ADAM10: variants seen among roughly 807,000 people sequenced by gnomAD.
ADAM10 encodes disintegrin and metalloproteinase domain-containing protein 10.
Under a neutral mutation model 90.1 loss-of-function variants are expected in ADAM10, and 17 were observed. That is an observed-to-expected ratio of 0.19 (90% CI 0.13 to 0.28). The LOEUF (loss-of-function observed/expected upper bound fraction) is 0.28, where lower values mean the gene tolerates loss of function less well. Among genes scored for constraint, ADAM10 ranks in the 10% least tolerant of loss-of-function variants. The pLI is 1.00. For missense variants in ADAM10, 610 were observed against 914.3 expected, an observed-to-expected ratio of 0.67 and a Z score of 4.29; for synonymous variants, 310 against 298.6, an observed-to-expected ratio of 1.04 and a Z score of -0.40.
chr15:58,741,686 C>T (rs1330331814), intron 1 of ADAM10, among the ~76,000 whole-genome samples: 1 of 152,184 alleles, frequency 6.6e-6, no homozygotes, highest in Non-Finnish European at 1.5e-5. Flanking sequence ...TCACGTTAAA[C>T]ATTTGCCCAG....
Position 58,689,252 on chromosome 15 carries a change from A to G in ADAM10, c.207-6938T>C, listed in dbSNP as rs112559628. Among the ~76,000 whole-genome samples the G allele has an allele frequency of 3.5e-3, 537 of 152,178 alleles. 5 individuals are homozygous for G. Among genetic ancestry groups the G allele is most frequent in the African/African-American group, 0.012 (516 of 41,504 alleles). ...TGTAATCCTAGCACTTTGGGAGGCC[A>G]AGGTGGGCAGATTGCCTTAGCTTAG... On this transcript the variant is annotated intron_variant, in intron 2 of 15. Transcript: ENST00000260408.
intron 12 of ADAM10, 70 bp downstream of exon 12, chr15:58,611,738 A>G (rs1408247982): frequency 7.0e-7 from 1 of 1,420,258 alleles, no homozygotes; most frequent in Non-Finnish European, 9.9e-7. Flanking sequence ...TGTAGCTTTA[A>G]GCATCAATAA....
At chr15:58,693,242 G>C in intron 2 of ADAM10, 3 of 589,774 alleles carry the variant, frequency 5.1e-6, no homozygotes, top group South Asian at 1.6e-5. Flanking sequence ...AAGGTGGGCT[G>C]AGTGTCCAAA....
At chr15:58,723,219 T>C (rs1488328311) in intron 1 of ADAM10, among the ~76,000 whole-genome samples, 2 of 152,050 alleles carry the variant, frequency 1.3e-5, no homozygotes, top group Non-Finnish European at 2.9e-5. Flanking sequence ...CACAATTCAC[T>C]TATTTAAAAA....
chr15:58,675,012 A>G (rs1897280012), intron 4 of ADAM10, among the ~76,000 whole-genome samples: 1 of 152,234 alleles, frequency 6.6e-6, no homozygotes, highest in African/African-American at 2.4e-5. Context: ...CCTGGCCAAC[A>G]TGGTGAAACC....
At position 58,633,321 on chromosome 15, in the gene ADAM10, A is replaced by C. The variant is rs767916145; in HGVS notation, c.1051T>G (p.Ser351Ala). The C allele has an allele frequency of 1.9e-6, 3 of 1,613,744 alleles. No homozygotes were observed. The highest frequency in any genetic ancestry group is 2.5e-6 in the Non-Finnish European group (3 of 1,179,754). The change falls in exon 9 of 16, where the codon TCA becomes GCA. Residue 351 changes from serine (S) to alanine (A), a missense_variant. Around this residue, in one of 4 missense-constraint regions of ADAM10, gnomAD observed 97 missense variants for 221.4 expected, o/e 0.44. Transcript: ENST00000260408. Reference protein sequence around the residue: ...GGICEKSKLYSDGKKKSLNTG... With the variant: ...GGICEKSKLYADGKKKSLNTG... ...TTTAAGGACTTCTTCTTACCATCTG[A>C]ATAGAGTTTACTTTTTTCACATATT...
chr15:58,620,424 G>A (rs1167458924), intron 11 of ADAM10, among the ~76,000 whole-genome samples: 2 of 151,700 alleles, frequency 1.3e-5, no homozygotes, highest in Admixed American at 6.6e-5. Flanking sequence ...CTGAAATCAT[G>A]CCACTGCACT....
At chr15:58,677,789 T>C (rs906940066) in intron 4 of ADAM10, among the ~76,000 whole-genome samples, 2 of 152,174 alleles carry the variant, frequency 1.3e-5, no homozygotes, top group Non-Finnish European at 2.9e-5. Flanking sequence ...AATATTCCAG[T>C]ATTTCATTAA....
At chr15:58,715,020 G>C (rs1483907356) in intron 2 of ADAM10, among the ~76,000 whole-genome samples, 2 of 152,178 alleles carry the variant, frequency 1.3e-5, no homozygotes, top group African/African-American at 4.8e-5. Context: ...TTCTGAGACA[G>C]AGTGAATATA....
chr15:58,597,781 T>C, intron 15 of ADAM10, 140 bp from the exon 16 acceptor site: 2 of 743,598 alleles, frequency 2.7e-6, no homozygotes, highest in East Asian at 3.0e-5. Context: ...ATTTAAAATC[T>C]TCTGATAGCC....
chr15:58,736,502 G>C (rs191014324), intron 1 of ADAM10, among the ~76,000 whole-genome samples: 68 of 151,848 alleles, frequency 4.5e-4, no homozygotes, highest in Non-Finnish European at 2.2e-4. Flanking sequence ...CCACACTTAA[G>C]AAAAAAATCT....
At chr15:58,701,022 C>CAAAAAAA (rs386383146) in intron 2 of ADAM10, among the ~76,000 whole-genome samples, 6 of 70,924 alleles carry the variant, frequency 8.5e-5, no homozygotes, top group Admixed American at 1.5e-4. Flanking sequence ...AACAAAAAAA[C>CAAAAAAA]AAAAAAAAAA....
intron 5 of ADAM10, among the ~76,000 whole-genome samples, chr15:58,661,275 C>T (rs1282617994): frequency 8.6e-5 from 13 of 151,968 alleles, no homozygotes; most frequent in African/African-American, 3.1e-4. Context: ...TGTGTGTATC[C>T]GAGTTTCCAT....
In ADAM10 at chr15:58,646,039, G is replaced by A. The variant is rs138743329; in HGVS notation, c.735+16C>T. 2,672 of 1,612,112 alleles carry A rather than the reference G, an allele frequency of 1.7e-3. 6 individuals are homozygous for A. The highest frequency in any genetic ancestry group is 2.0e-3 in the Non-Finnish European group (2,380 of 1,178,884). ...ACAATATGGGAACTACTAAAATAGC[G>A]CATAATCATAAATACCTGGGCAATC... is the stretch of plus-strand genomic sequence containing the variant. On this transcript the variant is annotated intron_variant, in intron 6 of 15. Transcript: ENST00000260408.
chr15:58,711,320 C>G (rs889998339), intron 2 of ADAM10, among the ~76,000 whole-genome samples: 1 of 152,056 alleles, frequency 6.6e-6, no homozygotes, highest in Non-Finnish European at 1.5e-5. Flanking sequence ...TTATTACTGA[C>G]TAGTGTTTTA....
chr15:58,717,789 A>C, intron 1 of ADAM10, 62 bp from the exon 2 acceptor site: 1 of 1,568,730 alleles, frequency 6.4e-7, no homozygotes, highest in East Asian at 2.3e-5. Context: ...TAGTTCTAAC[A>C]CGATTATTCA....
At chr15:58,685,545 A>AATATATATATATATATATATATAT (rs56776777) in intron 2 of ADAM10, among the ~76,000 whole-genome samples, 2 of 116,218 alleles carry the variant, frequency 1.7e-5, no homozygotes, top group Admixed American at 9.4e-5. Flanking sequence ...TATGAAGGAG[A>AATATATATATATATATATATATAT]ATATATATAT....
At chr15:58,719,662 T>C (rs1429843962) in intron 1 of ADAM10, among the ~76,000 whole-genome samples, 2 of 152,228 alleles carry the variant, frequency 1.3e-5, no homozygotes, top group Admixed American at 6.5e-5. Flanking sequence ...TTAACACTAC[T>C]GAAGTGTATA....
chr15:58,747,077 T>A (rs901339338), intron 1 of ADAM10, among the ~76,000 whole-genome samples: 2 of 152,212 alleles, frequency 1.3e-5, no homozygotes, highest in Non-Finnish European at 2.9e-5. Context: ...ATTTCGGGCA[T>A]GATTTCATCA....
Sources: allele counts gnomAD v4.1 joint callset (sites outside exome capture counted in the v4.1 genomes callset), GRCh38; gene constraint gnomAD v4.1.1; regional missense constraint gnomAD v4.1.1; transcripts MANE v1.5; gene names NCBI Gene and HGNC (gene_info 2026-07-23, HGNC 2026-07-21).